SERPINI1: variants seen among roughly 807,000 people sequenced by gnomAD.
The protein encoded by SERPINI1 is serpin family I member 1, also known as neuroserpin.
SERPINI1 carries 19 observed loss-of-function variants against 41.1 expected under a neutral mutation model. The observed-to-expected ratio is 0.46, with a 90% CI of 0.32 to 0.68. The LOEUF (loss-of-function observed/expected upper bound fraction) is 0.68. Ranked by LOEUF, SERPINI1 falls within the 30% of genes least tolerant of loss-of-function variation. The pLI is 0.03. For missense variants in SERPINI1, 460 were observed against 479.2 expected, an observed-to-expected ratio of 0.96 and a Z score of 0.37; for synonymous variants, 138 against 156.6, an observed-to-expected ratio of 0.88 and a Z score of 0.89.
At chr3:167,824,337 A>G (rs1712445242) in intron 7 of SERPINI1, 136 bp from the exon 8 acceptor site, 1 of 635,742 alleles carries the variant, frequency 1.6e-6, no homozygotes, top group Non-Finnish European at 2.8e-6. Context: ...ATTTTTCTCC[A>G]GTTAAGTCTT....
At chr3:167,764,337 G>C (rs1726488105) in intron 1 of SERPINI1, among the ~76,000 whole-genome samples, 1 of 152,148 alleles carries the variant, frequency 6.6e-6, no homozygotes, top group Non-Finnish European at 1.5e-5. Flanking sequence ...GGCTGGGGAG[G>C]CCTCACAATC....
At chr3:167,794,265 A>G (rs1447745657) in intron 4 of SERPINI1, among the ~76,000 whole-genome samples, 1 of 152,198 alleles carries the variant, frequency 6.6e-6, no homozygotes, top group Non-Finnish European at 1.5e-5. Flanking sequence ...GGATTCTAAA[A>G]TAAAATAAAT....
At chr3:167,777,827 G>A (rs1489118146) in intron 1 of SERPINI1, among the ~76,000 whole-genome samples, 2 of 152,214 alleles carry the variant, frequency 1.3e-5, no homozygotes, top group African/African-American at 4.8e-5. Context: ...GATTGCCACT[G>A]TAACAATGTT....
At chr3:167,769,853 T>G (rs1194002996) in intron 1 of SERPINI1, among the ~76,000 whole-genome samples, 1 of 152,136 alleles carries the variant, frequency 6.6e-6, no homozygotes. Context: ...CCTTTGCCTG[T>G]TTTTCTATAG....
rs1726309438 is a variant in SERPINI1, at chr3:167,759,495, G to A, written c.-19+23672G>A. 2.6e-5 allele frequency among the ~76,000 whole-genome samples: 4 copies of A among 150,958 alleles called. No homozygotes were observed. The South Asian group carries it at 8.3e-4, about 31-fold the overall frequency. ...TCGTAGCAACATGGATGTAGCCAGA[G>A]GCCTAATATTATCCTAATTAAAATA... On this transcript the variant is annotated intron_variant, in intron 1 of 8. Transcript: ENST00000446050.
intron 4 of SERPINI1, among the ~76,000 whole-genome samples, chr3:167,793,831 C>CGTGT (rs753115772): frequency 0.031 from 3,420 of 110,478 alleles, 67 homozygotes; most frequent in African/African-American, 0.036. Context: ...TCATTTTGGC[C>CGTGT]ATATGTATGT....
At chr3:167,737,308 C>T (rs961834470) in intron 1 of SERPINI1, among the ~76,000 whole-genome samples, 1 of 151,956 alleles carries the variant, frequency 6.6e-6, no homozygotes, top group African/African-American at 2.4e-5. Flanking sequence ...TTTTTAATTA[C>T]CCCTAAGCAA....
intron 1 of SERPINI1, among the ~76,000 whole-genome samples, chr3:167,753,467 G>T (rs900607871): frequency 6.6e-6 from 1 of 152,086 alleles, no homozygotes; most frequent in Non-Finnish European, 1.5e-5. Flanking sequence ...TGTATAGCAG[G>T]TACTCAATAA....
At chr3:167,755,654 T>C (rs1317083942) in intron 1 of SERPINI1, among the ~76,000 whole-genome samples, 2 of 152,218 alleles carry the variant, frequency 1.3e-5, no homozygotes, top group Admixed American at 1.3e-4. Context: ...TATTATGGCA[T>C]AGTCTTTTAA....
chr3:167,736,745 A>G (rs1725465870), intron 1 of SERPINI1, among the ~76,000 whole-genome samples: 1 of 152,214 alleles, frequency 6.6e-6, no homozygotes, highest in African/African-American at 2.4e-5. Context: ...AAGCAACGTT[A>G]ATTGTAATAC....
chr3:167,769,153 C>G (rs1294170814), intron 1 of SERPINI1, among the ~76,000 whole-genome samples: 3 of 152,034 alleles, frequency 2.0e-5, no homozygotes, highest in African/African-American at 7.3e-5. Flanking sequence ...ACCACCATGC[C>G]CAGCTAATTT....
intron 1 of SERPINI1, among the ~76,000 whole-genome samples, chr3:167,785,416 T>A (rs1727273800): frequency 6.6e-6 from 1 of 152,200 alleles, no homozygotes; most frequent in Non-Finnish European, 1.5e-5. Flanking sequence ...CAAGTCTTTG[T>A]TCTCCAAGTC....
At chr3:167,750,395 A>G (rs1726004812) in intron 1 of SERPINI1, among the ~76,000 whole-genome samples, 2 of 152,252 alleles carry the variant, frequency 1.3e-5, no homozygotes, top group Non-Finnish European at 1.5e-5. Flanking sequence ...GAAAGTAAGA[A>G]CAAGATGACT....
rs61735308 is a variant in SERPINI1, at chr3:167,790,461, G to T, written c.340G>T (p.Val114Leu). 5.6e-5 allele frequency: 90 copies of T among 1,613,890 alleles called. No homozygotes were observed. Among genetic ancestry groups the T allele is most frequent in the Non-Finnish European group, 7.6e-5 (90 of 1,179,910 alleles). The change falls in exon 3 of 9, where the codon GTG becomes TTG. Residue 114 changes from valine to leucine, a missense_variant. By Grantham distance (32) the Val-to-Leu change is conservative. Transcript: ENST00000446050. ...YVMKIANSLF[V>L]QNGFHVNEEF... is the part of the protein sequence containing the mutation. ...GATGAAAATTGCCAATTCCTTGTTT[G>T]TGCAAAATGGATTTCATGTCAATGA... is the stretch of plus-strand genomic sequence containing the variant.
chr3:167,812,001 A>G (rs1434321838), intron 6 of SERPINI1, among the ~76,000 whole-genome samples: 1 of 152,074 alleles, frequency 6.6e-6, no homozygotes, highest in Non-Finnish European at 1.5e-5. Flanking sequence ...GTGGGGAAAA[A>G]TAAAACCTGC....
intron 1 of SERPINI1, among the ~76,000 whole-genome samples, chr3:167,778,652 GCAATTAGGAAAGTTT>G (rs2108550260): frequency 6.6e-6 from 1 of 152,298 alleles, no homozygotes; most frequent in Non-Finnish European, 1.5e-5. Flanking sequence ...ATTTATAGGA[GCAATTAGGAAAGTTT>G]CAAATCTTGT....
chr3:167,772,864 C>CTCTCTCTCTATATATATATA (rs1374013676), intron 1 of SERPINI1, among the ~76,000 whole-genome samples: 7 of 24,636 alleles, frequency 2.8e-4, no homozygotes, highest in African/African-American at 1.1e-3. Context: ...CTCTCTCTCT[C>CTCTCTCTCTATATATATATA]TATATATATA....
intron 1 of SERPINI1, among the ~76,000 whole-genome samples, chr3:167,748,649 G>A (rs1337037285): frequency 6.6e-6 from 1 of 152,138 alleles, no homozygotes; most frequent in Non-Finnish European, 1.5e-5. Flanking sequence ...ATGCGGATTT[G>A]AGGGAATTTG....
chr3:167,762,134 A>T (rs1295783069), intron 1 of SERPINI1, among the ~76,000 whole-genome samples: 1 of 151,940 alleles, frequency 6.6e-6, no homozygotes, highest in Non-Finnish European at 1.5e-5. Flanking sequence ...ACTCACTACC[A>T]CTTGTTTCCA....
Sources: allele counts gnomAD v4.1 joint callset (sites outside exome capture counted in the v4.1 genomes callset), GRCh38; gene constraint gnomAD v4.1.1; transcripts MANE v1.5; gene names NCBI Gene and HGNC (gene_info 2026-07-23, HGNC 2026-07-21).